The following DNAH8 variants were observed in gnomAD, a reference collection of about 807,000 sequenced individuals.
DNAH8 encodes the protein dynein axonemal heavy chain 8.
DNAH8 carries 382 observed loss-of-function variants against 562.1 expected under a neutral mutation model. The observed-to-expected ratio is 0.68, with a 90% CI of 0.63 to 0.74. The LOEUF (loss-of-function observed/expected upper bound fraction) is 0.74, where lower values mean the gene tolerates loss of function less well. DNAH8 is among the 30% of genes least tolerant of loss of function. The pLI is 0.00. For synonymous variants in DNAH8, 1,881 were observed against 1,919.4 expected (o/e 0.98, Z 0.52); for missense variants, 5,203 against 5,620.4 (o/e 0.93, Z 2.37).
At chr6:38,871,876 G>A (rs997077767) in intron 49 of DNAH8, among the ~76,000 whole-genome samples, 3 of 152,194 alleles carry the variant, frequency 2.0e-5, no homozygotes, top group Non-Finnish European at 4.4e-5. Context: ...GAGTAGGAAA[G>A]TCAAGCTTGC....
intron 82 of DNAH8, among the ~76,000 whole-genome samples, chr6:38,953,887 A>T (rs1315032198): frequency 6.7e-6 from 1 of 149,920 alleles, no homozygotes; most frequent in Non-Finnish European, 1.5e-5. Context: ...TGGTCTGGAG[A>T]TAAGGCCCCA....
chr6:38,877,879 T>C (rs1377061215), intron 53 of DNAH8, among the ~76,000 whole-genome samples: 1 of 152,230 alleles, frequency 6.6e-6, no homozygotes, highest in Non-Finnish European at 1.5e-5. Context: ...CAATAGGCAC[T>C]ACTGGACTGA....
At chr6:38,816,778 C>G (rs1165170216) in intron 26 of DNAH8, among the ~76,000 whole-genome samples, 1 of 152,154 alleles carries the variant, frequency 6.6e-6, no homozygotes, top group Non-Finnish European at 1.5e-5. Context: ...AATTGCCATT[C>G]TGTCTGGCAT....
intron 79 of DNAH8, among the ~76,000 whole-genome samples, chr6:38,944,516 C>T (rs1346957433): frequency 6.6e-6 from 1 of 152,148 alleles, no homozygotes; most frequent in African/African-American, 2.4e-5. Flanking sequence ...AGAATCACTG[C>T]TTTGCATGCA....
At chr6:38,874,649 A>C (rs1319347377) in intron 52 of DNAH8, among the ~76,000 whole-genome samples, 1 of 152,068 alleles carries the variant, frequency 6.6e-6, no homozygotes, top group Non-Finnish European at 1.5e-5. Flanking sequence ...GATTGCAGGC[A>C]TGAGCCACCA....
intron 30 of DNAH8, 123 bp from the exon 31 acceptor site, chr6:38,832,199 G>A: frequency 1.6e-6 from 1 of 628,614 alleles, no homozygotes; most frequent in Non-Finnish European, 2.8e-6. Context: ...TTTATTACAA[G>A]CAAACAGAGA....
chr6:38,745,990 G>A (rs193110259), intron 8 of DNAH8, among the ~76,000 whole-genome samples: 19 of 152,244 alleles, frequency 1.2e-4, no homozygotes, highest in East Asian at 3.9e-4. Flanking sequence ...TACTGTACAC[G>A]TATCGTATTT....
intron 64 of DNAH8, 85 bp from the exon 65 acceptor site, chr6:38,909,433 T>C: frequency 8.1e-7 from 1 of 1,228,484 alleles, no homozygotes; most frequent in Non-Finnish European, 1.2e-6. Context: ...GATGTCACAC[T>C]CTTGGGTCAG....
intron 87 of DNAH8, among the ~76,000 whole-genome samples, chr6:38,988,893 T>C (rs1764588640): frequency 6.6e-6 from 1 of 152,210 alleles, no homozygotes. Context: ...TTTATTTCCT[T>C]CTGACTCTTG....
chr6:38,807,834 A>C, intron 24 of DNAH8, 118 bp downstream of exon 24: 1 of 452,158 alleles, frequency 2.2e-6, no homozygotes, highest in East Asian at 3.8e-5. Flanking sequence ...TCATTAAAAG[A>C]CTGTATGAAA....
intron 59 of DNAH8, among the ~76,000 whole-genome samples, chr6:38,895,812 T>C (rs537119904): frequency 6.6e-6 from 1 of 152,360 alleles, no homozygotes; most frequent in East Asian, 1.9e-4. Context: ...GGACCTTTGA[T>C]CTCACCTAAG....
rs761488169 is a variant in DNAH8, at chr6:38,741,691, A to G, written c.1117-20A>G. The G allele has an allele frequency of 1.1e-5, 17 of 1,562,842 alleles. No homozygotes were observed. Among genetic ancestry groups the G allele is most frequent in the Non-Finnish European group, 1.5e-5 (17 of 1,159,216 alleles). On this transcript the variant is annotated intron_variant, in intron 7 of 92. Coordinates refer to ENST00000327475, the MANE Select transcript of DNAH8 (RefSeq NM_001206927.2). ...GAAGAATGTAACATTTCTATATTTT[A>G]TAAATTTTTTTGACTGCAGGTACTT... is the stretch of plus-strand genomic sequence containing the variant.
Position 38,954,992 on chromosome 6 carries a change from G to A in DNAH8, c.12451+3472G>A, listed in dbSNP as rs1762150933. On this transcript the variant is annotated intron_variant, in intron 82 of 92. Transcript: ENST00000327475. Reference sequence around the variant, plus strand: ...ACATTTTCCTTTTTCTTTTGAGACAGGCTCCCACTCTGTCACCCAGGCTGG... The same window carrying A: ...ACATTTTCCTTTTTCTTTTGAGACAAGCTCCCACTCTGTCACCCAGGCTGG... Among the ~76,000 whole-genome samples the A allele has an allele frequency of 3.3e-5, 5 of 152,218 alleles. No homozygotes were observed. The South Asian group carries it at 1.0e-3, about 32-fold the overall frequency.
rs575659793 is a variant in DNAH8, at chr6:38,878,670, C to T, written c.7858+2842C>T. 2.1e-4 allele frequency among the ~76,000 whole-genome samples: 32 copies of T among 152,208 alleles called. No homozygotes were observed. In the South Asian group the frequency reaches 5.6e-3, roughly 27 times the overall value. On this transcript the variant is annotated intron_variant, in intron 53 of 92. Transcript: ENST00000327475. ...GTCCTCACAAACATTAGAAACATGA[C>T]GTGAGTATATTAGAAACAACTTTGC...
chr6:38,755,290 G>GCTCTTAGC (rs1765812999), intron 9 of DNAH8, among the ~76,000 whole-genome samples: 1 of 152,088 alleles, frequency 6.6e-6, no homozygotes, highest in African/African-American at 2.4e-5. Context: ...ATATGCTAAC[G>GCTCTTAGC]CTCTTAGCCT....
Position 38,853,179 on chromosome 6 carries a change from G to T in DNAH8, c.5572-7G>T. On this transcript the variant is annotated splice_region_variant and splice_polypyrimidine_tract_variant and intron_variant, in intron 40 of 92. Transcript: ENST00000327475. ...CAATTTATAATATCCTTGTAATTTT[G>T]TTTTAGTTGGATAATTCTGTTATGG... The T allele has an allele frequency of 6.3e-7, 1 of 1,589,400 alleles. No individual in the cohort carries two copies.
chr6:38,729,478 C>T (rs6458067), intron 3 of DNAH8, among the ~76,000 whole-genome samples: 55,495 of 152,062 alleles, frequency 0.36, 11,018 homozygotes, highest in Non-Finnish European at 0.45. Flanking sequence ...TGGTACAATA[C>T]AGGTCAAATT....
rs371568318 is a variant in DNAH8 at position 38,854,025 on chromosome 6, C to CGTGTGTGT, written c.5733+685_5733+692dup. Among the ~76,000 whole-genome samples the CGTGTGTGT allele has an allele frequency of 1.5e-4, 23 of 150,238 alleles. No individual in the cohort carries two copies. In the South Asian group the frequency reaches 1.9e-3, roughly 12 times the overall value. ...TGGGGACCATCTGTGTGTAAGTGCACGTGTGTGTGTGTGTATATATATATG... is the reference window on the plus strand; with the variant it reads ...TGGGGACCATCTGTGTGTAAGTGCACGTGTGTGTGTGTGTGTGTGTGTATATATATATG... On this transcript the variant is annotated intron_variant, in intron 41 of 92. Coordinates refer to ENST00000327475, the MANE Select transcript of DNAH8 (RefSeq NM_001206927.2).
At chr6:38,762,193 C>A (rs938988161) in intron 11 of DNAH8, among the ~76,000 whole-genome samples, 17 of 152,134 alleles carry the variant, frequency 1.1e-4, no homozygotes, top group Non-Finnish European at 2.4e-4. Flanking sequence ...ATGTTTCTAA[C>A]GTTTCCCCCA....
Sources: allele counts gnomAD v4.1 joint callset (sites outside exome capture counted in the v4.1 genomes callset), GRCh38; gene constraint gnomAD v4.1.1; transcripts MANE v1.5; gene names NCBI Gene and HGNC (gene_info 2026-07-23, HGNC 2026-07-21).